Variants in PCDHGA11 observed in about 807,000 individuals in gnomAD.
PCDHGA11 encodes the protein protocadherin gamma subfamily A, 11, also known as protocadherin gamma-A11.
A neutral mutation model predicts 60.4 loss-of-function variants in PCDHGA11; 39 were observed. The ratio of observed to expected loss-of-function variants is 0.65; its 90% CI spans 0.50 to 0.84. The LOEUF (loss-of-function observed/expected upper bound fraction) is 0.84, where lower values mean the gene tolerates loss of function less well. Ranked by LOEUF, PCDHGA11 falls within the 40% of genes least tolerant of loss-of-function variation. PCDHGA11 has a pLI of 0.00. For missense variants in PCDHGA11, 1,165 were observed against 1,197.7 expected (o/e 0.97, Z 0.40); for synonymous variants, 533 against 510.3 (o/e 1.04, Z -0.60).
rs192227219 is a variant in PCDHGA11 at position 141,501,899 on chromosome 5, A to G, written c.2493-3494A>G. Among the ~76,000 whole-genome samples the G allele has an allele frequency of 1.0e-3, 159 of 152,024 alleles. 1 individual carries two copies. The highest frequency in any genetic ancestry group is 6.8e-3 in the Middle Eastern group (2 of 294). ...TACACTCCTGATCATCATGGTTCCA[A>G]CCCCACTGTTCCACTCAGCTTTGTT... is the stretch of plus-strand genomic sequence containing the variant. On this transcript the variant is annotated intron_variant, in intron 2 of 3. Transcript: ENST00000398587.
chr5:141,447,966 A>C (rs2098556806), intron 1 of PCDHGA11, among the ~76,000 whole-genome samples: 1 of 151,922 alleles, frequency 6.6e-6, no homozygotes, highest in Non-Finnish European at 1.5e-5. Context: ...GACACCTATA[A>C]TCCCAGCTAC....
chr5:141,448,955 A>G (rs929888928), intron 1 of PCDHGA11, among the ~76,000 whole-genome samples: 1 of 152,174 alleles, frequency 6.6e-6, no homozygotes. Flanking sequence ...AAAAAAACAA[A>G]CAAACAAACA....
intron 1 of PCDHGA11, among the ~76,000 whole-genome samples, chr5:141,452,664 T>C (rs557662640): frequency 6.6e-6 from 1 of 151,058 alleles, no homozygotes; most frequent in South Asian, 2.1e-4. Context: ...TCCACTGCAC[T>C]CCAGCCTAGG....
chr5:141,498,673 T>C (rs1158071657), intron 2 of PCDHGA11, among the ~76,000 whole-genome samples: 1 of 152,180 alleles, frequency 6.6e-6, no homozygotes, highest in Non-Finnish European at 1.5e-5. Flanking sequence ...GGCTCACGCC[T>C]GTAATCCCAG....
chr5:141,432,511 C>T lies in PCDHGA11; in HGVS notation c.2433+8851C>T. ...AGCTGGCTCCCCGCTCCGCAGAGCC[C>T]GGCTACCTGGTGACCAAGGTGGTGG... is the stretch of plus-strand genomic sequence containing the variant. On this transcript the variant is annotated intron_variant, in intron 1 of 3. Coordinates refer to ENST00000398587, the MANE Select transcript of PCDHGA11 (RefSeq NM_018914.3). This position sits in a 1 kb window ranked among gnomAD's most constrained non-coding sequence, Gnocchi z 6.0. 1 of 1,614,118 alleles carries T rather than the reference C, an allele frequency of 6.2e-7. No homozygotes were observed. The highest frequency in any genetic ancestry group is 8.5e-7 in the Non-Finnish European group (1 of 1,180,042).
intron 1 of PCDHGA11, among the ~76,000 whole-genome samples, chr5:141,429,903 T>C (rs1276564046): frequency 2.0e-5 from 3 of 152,252 alleles, no homozygotes; most frequent in African/African-American, 7.2e-5. Flanking sequence ...TAAATATTTT[T>C]GAAATATAAT....
intron 1 of PCDHGA11, chr5:141,478,453 C>T: frequency 6.2e-7 from 1 of 1,613,594 alleles, no homozygotes; most frequent in Non-Finnish European, 8.5e-7. Context: ...CTGGTGCAGC[C>T]AGTCCACTGG....
intron 1 of PCDHGA11, chr5:141,440,542 C>T (rs1448576873): frequency 6.6e-6 from 1 of 152,206 alleles, no homozygotes; most frequent in Non-Finnish European, 1.5e-5. Context: ...CACGGTTCAG[C>T]AGGAATGTTA....
chr5:141,433,547 C>G (rs2097621028), intron 1 of PCDHGA11, among the ~76,000 whole-genome samples: 1 of 152,086 alleles, frequency 6.6e-6, no homozygotes, highest in South Asian at 2.1e-4. Context: ...ATCAGATATT[C>G]TTTTCTGGCT....
chr5:141,499,751 A>G (rs1355923543), intron 2 of PCDHGA11, among the ~76,000 whole-genome samples: 2 of 149,258 alleles, frequency 1.3e-5, no homozygotes, highest in Non-Finnish European at 3.0e-5. Flanking sequence ...CTGTGGCACA[A>G]TCTCAGCTCA....
chr5:141,478,672 A>G (rs1216792401), intron 1 of PCDHGA11: 22 of 1,551,540 alleles, frequency 1.4e-5, no homozygotes, highest in Admixed American at 2.0e-5. Flanking sequence ...CACACTTTCA[A>G]CTGGCCCTTC....
intron 1 of PCDHGA11, among the ~76,000 whole-genome samples, chr5:141,463,418 C>T (rs1442067485): frequency 3.6e-5 from 5 of 138,240 alleles, no homozygotes; most frequent in Admixed American, 2.9e-4. Flanking sequence ...TCCTAGTTTG[C>T]GGATCCTCAT....
chr5:141,451,813 G>A (rs921877961), intron 1 of PCDHGA11, among the ~76,000 whole-genome samples: 13 of 150,788 alleles, frequency 8.6e-5, no homozygotes, highest in East Asian at 2.0e-4. Context: ...CCCAGGAGGC[G>A]GAGGTTACAG....
chr5:141,499,408 G>C (rs1178843162), intron 2 of PCDHGA11, among the ~76,000 whole-genome samples: 1 of 151,896 alleles, frequency 6.6e-6, no homozygotes, highest in Non-Finnish European at 1.5e-5. Context: ...GCTCATTATA[G>C]AAACATGAAA....
Position 141,494,872 on chromosome 5 carries a change from G to A in PCDHGA11, c.2492+7G>A. On this transcript the variant is annotated splice_region_variant and intron_variant, in intron 2 of 3. Transcript: ENST00000398587. ...AGAGACCCGGCACCAGCGGGTAGGT[G>A]ACTGATTCTCCAGCCCACCCTCTTC... 1 of 1,614,128 alleles carries A rather than the reference G, an allele frequency of 6.2e-7. No individual in the cohort carries two copies. Among genetic ancestry groups the A allele is most frequent in the South Asian group, 1.1e-5 (1 of 91,074 alleles).
chr5:141,490,951 T>G lies in PCDHGA11; in HGVS notation c.2434-3856T>G, dbSNP rs778168052. On this transcript the variant is annotated intron_variant, in intron 1 of 3. Transcript: ENST00000398587. The surrounding 1 kb of genome is among the most constrained non-coding windows in gnomAD (Gnocchi z 5.4). ...AGCTGTGCTGCACCCACGGCCAGACTGGGAACACTCAGCCCCCCAGCGTCT... is the reference window on the plus strand; with the variant it reads ...AGCTGTGCTGCACCCACGGCCAGACGGGGAACACTCAGCCCCCCAGCGTCT... The G allele has an allele frequency of 6.2e-7, 1 of 1,613,638 alleles. No individual in the cohort carries two copies. The highest frequency in any genetic ancestry group is 1.3e-5 in the African/African-American group (1 of 74,900).
chr5:141,466,822 G>A (rs1396286898), intron 1 of PCDHGA11, among the ~76,000 whole-genome samples: 4 of 152,046 alleles, frequency 2.6e-5, no homozygotes. Flanking sequence ...GGTATAACAA[G>A]TTAGTATGGG....
chr5:141,464,843 A>G lies in PCDHGA11; in HGVS notation c.2434-29964A>G, dbSNP rs183890796. On this transcript the variant is annotated intron_variant, in intron 1 of 3. Coordinates refer to ENST00000398587, the MANE Select transcript of PCDHGA11 (RefSeq NM_018914.3). Reference sequence around the variant, plus strand: ...AGCCTCGCACTCCTGGGCTCAAGCAATCCTCCTACCTTAGCCTCCCAAGTA... The same window carrying G: ...AGCCTCGCACTCCTGGGCTCAAGCAGTCCTCCTACCTTAGCCTCCCAAGTA... 1.5e-3 allele frequency among the ~76,000 whole-genome samples: 231 copies of G among 152,234 alleles called. 1 individual carries two copies. Among genetic ancestry groups the G allele is most frequent in the Non-Finnish European group, 2.3e-3 (159 of 68,018 alleles).
At chr5:141,459,136 T>C (rs1044347522) in intron 1 of PCDHGA11, among the ~76,000 whole-genome samples, 2 of 152,224 alleles carry the variant, frequency 1.3e-5, no homozygotes, top group Non-Finnish European at 2.9e-5. Context: ...GTAACCACCA[T>C]GCAATCAAAA....
Sources: allele counts gnomAD v4.1 joint callset (sites outside exome capture counted in the v4.1 genomes callset), GRCh38; gene constraint gnomAD v4.1.1; non-coding constraint Gnocchi (gnomAD v3.1); transcripts MANE v1.5; gene names NCBI Gene and HGNC (gene_info 2026-07-23, HGNC 2026-07-21).